The following NAV2 variants were observed in gnomAD, a reference collection of about 807,000 sequenced individuals.
NAV2 encodes the protein neuron navigator 2.
Under a neutral mutation model 223.2 loss-of-function variants are expected in NAV2, and 54 were observed. The observed-to-expected ratio is 0.24, with a 90% CI of 0.19 to 0.30. The LOEUF is 0.30. Ranked by LOEUF, NAV2 falls within the 10% of genes least tolerant of loss-of-function variation. NAV2 has a pLI of 1.00. For synonymous variants in NAV2, 1,279 were observed against 1,239.3 expected, an observed-to-expected ratio of 1.03 and a Z score of -0.67; for missense variants, 2,806 against 3,147.5, an observed-to-expected ratio of 0.89 and a Z score of 2.60.
At chr11:19,671,394 T>G (rs1180428757) in intron 1 of NAV2, among the ~76,000 whole-genome samples, 1 of 152,208 alleles carries the variant, frequency 6.6e-6, no homozygotes, top group Non-Finnish European at 1.5e-5. Flanking sequence ...ATATGTCTTG[T>G]TGATGGTGAC....
At chr11:19,909,023 A>G (rs1001973605) in intron 6 of NAV2, among the ~76,000 whole-genome samples, 1 of 152,190 alleles carries the variant, frequency 6.6e-6, no homozygotes, top group Non-Finnish European at 1.5e-5. Flanking sequence ...TATGTGAATT[A>G]TATGTCAATA....
chr11:19,491,735 TC>T (rs2042632907), intron 1 of NAV2, among the ~76,000 whole-genome samples: 1 of 152,248 alleles, frequency 6.6e-6, no homozygotes, highest in Admixed American at 6.5e-5. Flanking sequence ...AAAAGCTTTT[TC>T]TTTGCATTCA....
intron 35 of NAV2, 102 bp from the exon 36 acceptor site, chr11:20,107,562 T>C (rs1009310085): frequency 9.0e-6 from 8 of 889,308 alleles, no homozygotes; most frequent in African/African-American, 8.3e-5. Context: ...CCTCAGAACG[T>C]CTAGGGTCCC....
At chr11:19,760,426 C>T (rs956022545) in intron 1 of NAV2, among the ~76,000 whole-genome samples, 13 of 152,186 alleles carry the variant, frequency 8.5e-5, no homozygotes, top group African/African-American at 3.1e-4. Flanking sequence ...TTATTTCCCT[C>T]CTGGCTTCAG....
chr11:19,762,017 C>T (rs190726516), intron 1 of NAV2, among the ~76,000 whole-genome samples: 470 of 152,188 alleles, frequency 3.1e-3, no homozygotes, highest in Middle Eastern at 0.017. Flanking sequence ...CCAAGGGGGG[C>T]GGATCACCTG....
At chr11:19,477,688 G>A (rs2042160290) in intron 1 of NAV2, among the ~76,000 whole-genome samples, 1 of 152,190 alleles carries the variant, frequency 6.6e-6, no homozygotes, top group African/African-American at 2.4e-5. Context: ...TATTGTGATG[G>A]CTGAAGGTTT....
intron 1 of NAV2, among the ~76,000 whole-genome samples, chr11:19,688,321 C>A (rs1408994759): frequency 2.0e-5 from 3 of 152,122 alleles, no homozygotes; most frequent in Non-Finnish European, 4.4e-5. Context: ...CTGAGCTAAA[C>A]CTTGACCTGT....
rs1554941030 is a variant in NAV2 at position 19,467,026 on chromosome 11, G to GAGAGAGAGATAGAT, written c.75+116008_75+116009insTAGATAGAGAGAGA. On this transcript the variant is annotated intron_variant, in intron 1 of 37. Transcript: ENST00000360655. The stretch of plus-strand genomic sequence containing the variant: ...ACACACACACACACACACAGAGAGA[G>GAGAGAGAGATAGAT]AGAGAGAGAGAGAGAGAGATAGATA... 8.4e-3 allele frequency among the ~76,000 whole-genome samples: 944 copies of GAGAGAGAGATAGAT among 111,876 alleles called. 15 individuals are homozygous for GAGAGAGAGATAGAT. The highest frequency in any genetic ancestry group is 0.028 in the African/African-American group (916 of 32,208). 73.4% of individuals were successfully genotyped at this position (111,876 alleles called of 152,430 possible). A position where few individuals can be genotyped will look rare whatever the true frequency, so the allele number is the denominator to read the frequency against.
At chr11:19,412,408 G>C (rs1850183401) in intron 1 of NAV2, among the ~76,000 whole-genome samples, 3 of 152,200 alleles carry the variant, frequency 2.0e-5, no homozygotes, top group Non-Finnish European at 2.9e-5. Flanking sequence ...CTGAAAGAAA[G>C]GCAGCAACCC....
At chr11:19,976,837 A>G (rs2049805127) in intron 10 of NAV2, among the ~76,000 whole-genome samples, 1 of 152,146 alleles carries the variant, frequency 6.6e-6, no homozygotes, top group South Asian at 2.1e-4. Context: ...AGTGCAGTCT[A>G]TATGCCATGG....
intron 1 of NAV2, among the ~76,000 whole-genome samples, chr11:19,594,724 G>A (rs1186176461): frequency 6.6e-6 from 1 of 152,174 alleles, no homozygotes; most frequent in Non-Finnish European, 1.5e-5. Flanking sequence ...ACACTCATGG[G>A]TTCAGAGTGG....
At chr11:20,037,296 T>A (rs1468028044) in intron 12 of NAV2, among the ~76,000 whole-genome samples, 1 of 152,006 alleles carries the variant, frequency 6.6e-6, no homozygotes, top group Admixed American at 6.6e-5. Flanking sequence ...TCAGCAGTGC[T>A]TTACTTCATA....
chr11:19,371,637 T>C (rs1029214315), intron 1 of NAV2, among the ~76,000 whole-genome samples: 6 of 152,184 alleles, frequency 3.9e-5, no homozygotes, highest in Non-Finnish European at 7.3e-5. Context: ...TTATGCCATA[T>C]TTTATAGTTA....
Position 19,713,478 on chromosome 11 carries a change from C to T in NAV2, c.-218C>T. 7.4e-7 allele frequency: 1 copy of T among 1,345,608 alleles called. No homozygotes were observed. The highest frequency in any genetic ancestry group is 9.5e-7 in the Non-Finnish European group (1 of 1,054,630). The allele number at this position is 1,345,608 out of a possible 1,614,324, so 83.4% of individuals were successfully genotyped here. A position where few individuals can be genotyped will look rare whatever the true frequency, so the allele number is the denominator to read the frequency against. On this transcript the variant is annotated 5_prime_UTR_variant, in exon 1 of 38. Coordinates refer to ENST00000349880, the MANE Select transcript of NAV2 (RefSeq NM_145117.5). The surrounding 1 kb of genome is among the most constrained non-coding windows in gnomAD (Gnocchi z 7.2). ...ATCCGTCCAGGTGGGACCCGCTGAG[C>T]GCCGTGGCCAGTCCCCCATTCCCAT...
intron 1 of NAV2, among the ~76,000 whole-genome samples, chr11:19,363,355 C>A (rs1854072262): frequency 6.6e-6 from 1 of 152,154 alleles, no homozygotes; most frequent in Non-Finnish European, 1.5e-5. Flanking sequence ...TGTACATGTG[C>A]CACATTTTCT....
intron 1 of NAV2, among the ~76,000 whole-genome samples, chr11:19,620,620 G>C (rs2046961930): frequency 6.6e-6 from 1 of 152,184 alleles, no homozygotes; most frequent in Non-Finnish European, 1.5e-5. Context: ...TGTATCCTGA[G>C]ACTTTGCTGA....
At chr11:20,050,395 GT>G (rs2057864190) in intron 16 of NAV2, among the ~76,000 whole-genome samples, 1 of 151,942 alleles carries the variant, frequency 6.6e-6, no homozygotes, top group South Asian at 2.1e-4. Flanking sequence ...TGTGTTCTGT[GT>G]GCCCATTTCC....
intron 6 of NAV2, among the ~76,000 whole-genome samples, chr11:19,926,031 C>G (rs2044714684): frequency 6.6e-6 from 1 of 151,956 alleles, no homozygotes; most frequent in Non-Finnish European, 1.5e-5. Flanking sequence ...CAACTTTGTT[C>G]TTTTTCAAGA....
intron 19 of NAV2, among the ~76,000 whole-genome samples, chr11:20,059,263 C>T (rs775436157): frequency 6.6e-6 from 1 of 152,144 alleles, no homozygotes; most frequent in Non-Finnish European, 1.5e-5. Flanking sequence ...ATGCCTAGAT[C>T]CACATTCTCT....
Sources: gnomAD v4.1 joint callset for allele counts (sites outside exome capture counted in the v4.1 genomes callset) on GRCh38, gnomAD v4.1.1 for gene constraint, Gnocchi (gnomAD v3.1) non-coding constraint, MANE v1.5 for transcripts, NCBI Gene and HGNC (gene_info 2026-07-23, HGNC 2026-07-21) for gene names.